The following FAM13A variants were observed in gnomAD, a reference collection of about 807,000 sequenced individuals.
FAM13A encodes the protein family with sequence similarity 13 member A, also known as protein FAM13A.
In FAM13A, 76 loss-of-function variants were observed where a neutral mutation model predicts 129.6. The observed-to-expected ratio is 0.59, with a 90% CI of 0.49 to 0.71. The LOEUF (loss-of-function observed/expected upper bound fraction) is 0.71. Ranked by LOEUF, FAM13A falls within the 30% of genes least tolerant of loss-of-function variation. The pLI, the probability that FAM13A is intolerant of heterozygous loss-of-function variation, is 0.00. For synonymous variants in FAM13A, 443 were observed against 449.9 expected, an observed-to-expected ratio of 0.98 and a Z score of 0.20; for missense variants, 1,108 against 1,249.3, an observed-to-expected ratio of 0.89 and a Z score of 1.70.
At chr4:88,916,830 AT>A (rs973221165) in intron 5 of FAM13A, among the ~76,000 whole-genome samples, 8 of 150,098 alleles carry the variant, frequency 5.3e-5, no homozygotes, top group African/African-American at 1.2e-4. Context: ...TCATAGTTTA[AT>A]TTTTTTTTTC....
chr4:89,023,578 G>C (rs1186521696), intron 2 of FAM13A, among the ~76,000 whole-genome samples: 2 of 152,094 alleles, frequency 1.3e-5, no homozygotes, highest in Non-Finnish European at 1.5e-5. Flanking sequence ...CAAGCCTCCT[G>C]ATTCCACTGG....
chr4:88,798,388 T>TACTGAACAATATCCA (rs1726682940), intron 8 of FAM13A, among the ~76,000 whole-genome samples: 2 of 152,250 alleles, frequency 1.3e-5, no homozygotes, highest in Admixed American at 1.3e-4. Flanking sequence ...AGTATTCTTG[T>TACTGAACAATATCCA]CTGAATGGAT....
At chr4:88,790,756 A>G in intron 8 of FAM13A, 129 bp from the exon 9 acceptor site, 1 of 731,504 alleles carries the variant, frequency 1.4e-6, no homozygotes, top group Non-Finnish European at 2.3e-6. Flanking sequence ...ACAATGTTTA[A>G]CCATCCAATG....
At chr4:89,055,265 G>C (rs962509883) in intron 1 of FAM13A, among the ~76,000 whole-genome samples, 3 of 152,014 alleles carry the variant, frequency 2.0e-5, no homozygotes, top group African/African-American at 7.3e-5. Flanking sequence ...TCTTTTTCCA[G>C]ATATGCTATG....
At chr4:89,049,682 A>C (rs1190080625) in intron 1 of FAM13A, among the ~76,000 whole-genome samples, 1 of 152,112 alleles carries the variant, frequency 6.6e-6, no homozygotes, top group African/African-American at 2.4e-5. Context: ...TTTGAGATGG[A>C]GTCTTGCACT....
intron 4 of FAM13A, among the ~76,000 whole-genome samples, chr4:88,972,284 TC>T (rs1760205114): frequency 7.1e-6 from 1 of 139,872 alleles, no homozygotes; most frequent in South Asian, 2.3e-4. Context: ...TGAAAAAGTT[TC>T]TGCTTCTCCT....
rs1328487452 is a variant in FAM13A at position 88,767,604 on chromosome 4, A to T, written c.1536-9T>A. The T allele has an allele frequency of 6.3e-7, 1 of 1,588,932 alleles. No homozygotes were observed. Among genetic ancestry groups the T allele is most frequent in the Admixed American group, 1.9e-5 (1 of 53,614 alleles). Reference sequence around the variant, plus strand: ...CTTTTTCATTTCCTTTCCTATAAATAATGGCAACAACAAAAAAATCATAAA... The same window carrying T: ...CTTTTTCATTTCCTTTCCTATAAATTATGGCAACAACAAAAAAATCATAAA... On this transcript the variant is annotated splice_polypyrimidine_tract_variant and intron_variant, in intron 12 of 23. Coordinates refer to ENST00000264344, the MANE Select transcript of FAM13A (RefSeq NM_014883.4).
In FAM13A at chr4:88,741,715, C is replaced by T. The variant is rs546675263; in HGVS notation, c.2467-2590G>A. 8.5e-5 allele frequency among the ~76,000 whole-genome samples: 13 copies of T among 152,234 alleles called. No individual in the cohort carries two copies. The East Asian group carries it at 1.2e-3, about 14-fold the overall frequency. Reference sequence around the variant, plus strand: ...GTACTGACGTGATGCCAAAAGGAAACGTTCATTGGAACATTTTGAATTTCA... The same window carrying T: ...GTACTGACGTGATGCCAAAAGGAAATGTTCATTGGAACATTTTGAATTTCA... On this transcript the variant is annotated intron_variant, in intron 19 of 23. Coordinates refer to ENST00000264344, the MANE Select transcript of FAM13A (RefSeq NM_014883.4).
intron 5 of FAM13A, among the ~76,000 whole-genome samples, chr4:88,922,819 A>G (rs1409391742): frequency 1.3e-5 from 2 of 152,134 alleles, no homozygotes; most frequent in African/African-American, 4.8e-5. Flanking sequence ...TAATAAAGAA[A>G]AAAAGAGAGA....
intron 7 of FAM13A, chr4:88,823,212 C>G: frequency 7.1e-7 from 1 of 1,416,764 alleles, no homozygotes; most frequent in Non-Finnish European, 9.2e-7. Flanking sequence ...GCTATTTTAT[C>G]GGCTGCTTCT....
intron 13 of FAM13A, 37 bp from the exon 14 acceptor site, chr4:88,758,938 C>G (rs1209747008): frequency 4.4e-6 from 7 of 1,598,068 alleles, no homozygotes; most frequent in Non-Finnish European, 6.0e-6. Context: ...ATATCTACTG[C>G]TCACCAAAAC....
intron 4 of FAM13A, among the ~76,000 whole-genome samples, chr4:88,974,291 G>C (rs1386418069): frequency 2.0e-5 from 3 of 152,048 alleles, no homozygotes; most frequent in African/African-American, 7.2e-5. Flanking sequence ...GTGATTCTCT[G>C]TATCTGCCTG....
chr4:88,900,387 C>T (rs1187621209), intron 6 of FAM13A, among the ~76,000 whole-genome samples: 2 of 151,826 alleles, frequency 1.3e-5, no homozygotes, highest in African/African-American at 4.8e-5. Context: ...ATGTTAAGGG[C>T]AGCCAAGGAG....
chr4:88,884,735 A>G (rs1410146447), intron 6 of FAM13A, among the ~76,000 whole-genome samples: 2 of 152,108 alleles, frequency 1.3e-5, no homozygotes, highest in African/African-American at 4.8e-5. Flanking sequence ...ATCTGATTGT[A>G]TATCTAAGAA....
intron 4 of FAM13A, among the ~76,000 whole-genome samples, chr4:88,983,654 A>ATTTG: frequency 6.6e-6 from 1 of 152,316 alleles, no homozygotes; most frequent in South Asian, 2.1e-4. Flanking sequence ...TAAAGACCTA[A>ATTTG]GTAAATGGAA....
intron 21 of FAM13A, 65 bp from the exon 22 acceptor site, chr4:88,732,263 TATCATTTAATA>T (rs1229055877): frequency 3.3e-4 from 378 of 1,137,838 alleles, no homozygotes; most frequent in Admixed American, 5.3e-4. Context: ...TCATTACAAG[TATCATTTAATA>T]ATCATTTAAT....
At chr4:88,979,334 C>T (rs1761337520) in intron 4 of FAM13A, among the ~76,000 whole-genome samples, 1 of 152,104 alleles carries the variant, frequency 6.6e-6, no homozygotes, top group South Asian at 2.1e-4. Flanking sequence ...TCTAAAAGTA[C>T]ATCCAACAAA....
chr4:88,790,436 C>A (rs1724884467), intron 9 of FAM13A, 150 bp downstream of exon 9: 7 of 647,884 alleles, frequency 1.1e-5, no homozygotes, highest in Non-Finnish European at 1.9e-5. Context: ...GTCCTCTCCT[C>A]CATATAGTTT....
Position 89,029,571 on chromosome 4 carries a change from T to C in FAM13A, c.106A>G (p.Thr36Ala), listed in dbSNP as rs1344292278. ...AVPLNEQKDF[T>A]YQKLFGVSLQ... is the part of the protein sequence containing the mutation. ...CTGACTCCAAATAACTTCTGATAGG[T>C]AAAATCCTTCTGTTCATTTAATGGC... is the stretch of plus-strand genomic sequence containing the variant. The change falls in exon 2 of 24, where the codon ACC (threonine) becomes GCC (alanine). Residue 36 changes from threonine (T) to alanine (A), a missense_variant. By Grantham distance (58) the Thr-to-Ala change is moderately conservative (BLOSUM62 0). This residue lies in a region of FAM13A where 566 missense variants were observed against 595.7 expected (regional missense o/e 0.95). Coordinates refer to ENST00000264344, the MANE Select transcript of FAM13A (RefSeq NM_014883.4). 2 of 1,593,292 alleles carry C rather than the reference T, an allele frequency of 1.3e-6. No homozygotes were observed. The highest frequency in any genetic ancestry group is 1.7e-6 in the Non-Finnish European group (2 of 1,174,030).
Sources: gnomAD v4.1 joint callset for allele counts (sites outside exome capture counted in the v4.1 genomes callset) on GRCh38, gnomAD v4.1.1 for gene constraint, gnomAD v4.1.1 regional missense constraint, MANE v1.5 for transcripts, NCBI Gene and HGNC (gene_info 2026-07-23, HGNC 2026-07-21) for gene names.